The following HCN2 variants were observed in gnomAD, a reference collection of about 807,000 sequenced individuals.
The protein encoded by HCN2 is hyperpolarization activated cyclic nucleotide gated potassium and sodium channel 2, also known as potassium/sodium hyperpolarization-activated cyclic nucleotide-gated channel 2.
Under a neutral mutation model 52.3 loss-of-function variants are expected in HCN2, and 20 were observed. That is an observed-to-expected ratio of 0.38 (90% CI 0.27 to 0.56). The LOEUF (loss-of-function observed/expected upper bound fraction) is 0.56. HCN2 is among the 20% of genes least tolerant of loss of function. HCN2 has a pLI of 0.71. For synonymous variants in HCN2, 694 were observed against 537.0 expected (o/e 1.29, Z -4.04); for missense variants, 981 against 1,207.7 (o/e 0.81, Z 2.78).
chr19:611,932 G>A (rs2144529117), intron 5 of HCN2, among the ~76,000 whole-genome samples: 1 of 152,254 alleles, frequency 6.6e-6, no homozygotes, highest in South Asian at 2.1e-4. Flanking sequence ...GATCACCTGA[G>A]GTCAGGAGTT....
chr19:605,899 G>C (rs7252580), intron 3 of HCN2, among the ~76,000 whole-genome samples: 1 of 151,490 alleles, frequency 6.6e-6, no homozygotes, highest in Non-Finnish European at 1.5e-5. Context: ...TTACAGAGGG[G>C]GACCCAGGAC....
At chr19:611,532 G>A (rs759457429) in intron 5 of HCN2, among the ~76,000 whole-genome samples, 7 of 152,220 alleles carry the variant, frequency 4.6e-5, no homozygotes, top group Non-Finnish European at 8.8e-5. Flanking sequence ...CTCTGGGGGG[G>A]CGTGTACACC....
At chr19:598,391 C>T (rs548175415) in intron 1 of HCN2, among the ~76,000 whole-genome samples, 1 of 151,900 alleles carries the variant, frequency 6.6e-6, no homozygotes, top group Admixed American at 6.5e-5. Flanking sequence ...ACTGCAGCCT[C>T]GACTTCATGG....
chr19:616,688 G>A lies in HCN2; in HGVS notation c.*214G>A, dbSNP rs55760240. The A allele has an allele frequency of 0.17, 32,700 of 197,260 alleles. 2,886 individuals carry two copies. Among genetic ancestry groups the A allele is most frequent in the East Asian group, 0.23 (2,332 of 10,028 alleles). 12.2% of individuals were successfully genotyped at this position (197,260 alleles called of 1,614,324 possible). A position where few individuals can be genotyped will look rare whatever the true frequency, so the allele number is the denominator to read the frequency against. On this transcript the variant is annotated 3_prime_UTR_variant, in exon 8 of 8. Coordinates refer to ENST00000251287, the MANE Select transcript of HCN2 (RefSeq NM_001194.4). ...TCATCGCCCCGCGCCCACCCCCATC[G>A]CCCCTGCCCCCGGCGGCGGCCTCGC...
Position 589,908 on chromosome 19 carries a change from C to A in HCN2, c.-38C>A. ...CTCGGGCTCCGGCCGGCGGCGGCGG[C>A]GGCGGCTCCGCTCCGCACTGCCCGG... On this transcript the variant is annotated 5_prime_UTR_variant, in exon 1 of 8. Coordinates refer to ENST00000251287, the MANE Select transcript of HCN2 (RefSeq NM_001194.4). The A allele has an allele frequency of 2.3e-6, 2 of 852,914 alleles. No homozygotes were observed. The highest frequency in any genetic ancestry group is 2.8e-6 in the Non-Finnish European group (2 of 723,738). The allele number at this position is 852,914 out of a possible 1,614,324, so 52.8% of individuals were successfully genotyped here.
intron 5 of HCN2, among the ~76,000 whole-genome samples, chr19:612,690 C>T (rs569309876): frequency 2.6e-5 from 4 of 151,824 alleles, no homozygotes; most frequent in African/African-American, 9.7e-5. Context: ...GCTGGGATTA[C>T]AGGTGTGAGC....
chr19:610,817 A>G (rs766428174), intron 5 of HCN2, among the ~76,000 whole-genome samples: 3 of 152,146 alleles, frequency 2.0e-5, no homozygotes, highest in African/African-American at 4.8e-5. Context: ...TGCGGGAACA[A>G]ATACCCACAG....
intron 1 of HCN2, among the ~76,000 whole-genome samples, chr19:601,084 G>A (rs912006008): frequency 2.0e-5 from 3 of 152,146 alleles, no homozygotes; most frequent in Non-Finnish European, 4.4e-5. Flanking sequence ...CGAGGCCTAG[G>A]CAGAAGGATC....
In HCN2 at chr19:609,115, C is replaced by A. The variant is rs1054028456; in HGVS notation, c.1437+933C>A. Among the ~76,000 whole-genome samples, 3 of 152,204 alleles carry A rather than the reference C, an allele frequency of 2.0e-5. No individual in the cohort carries two copies. In the South Asian group the frequency reaches 6.2e-4, roughly 31 times the overall value. ...TGGGTCAGCTGGGCCCCGTGCCAGG[C>A]GCCCTGCTGTCCGGAAGCCACGGGC... On this transcript the variant is annotated intron_variant, in intron 4 of 7. Coordinates refer to ENST00000251287, the MANE Select transcript of HCN2 (RefSeq NM_001194.4).
chr19:616,997 A>G lies in HCN2; in HGVS notation c.*523A>G, dbSNP rs1157476355. 2 of 499,400 alleles carry G rather than the reference A, an allele frequency of 4.0e-6. No homozygotes were observed. The highest frequency in any genetic ancestry group is 7.3e-6 in the Non-Finnish European group (2 of 273,640). 30.9% of individuals were successfully genotyped at this position (499,400 alleles called of 1,614,324 possible). ...CCGCCTCCCTCCAGCACTGGCACCG[A>G]GAGGCAGGCCTGGCTGCGCAGGGCG... On this transcript the variant is annotated 3_prime_UTR_variant, in exon 8 of 8. Coordinates refer to ENST00000251287, the MANE Select transcript of HCN2 (RefSeq NM_001194.4).
rs1246828549 is a variant in HCN2, at chr19:616,302, GC to G, written c.2502del (p.Ala835ArgfsTer92). The G allele has an allele frequency of 9.1e-7, 1 of 1,104,288 alleles. No homozygotes were observed. Among genetic ancestry groups the G allele is most frequent in the Non-Finnish European group, 1.1e-6 (1 of 904,190 alleles). The allele number at this position is 1,104,288 out of a possible 1,614,324, so 68.4% of individuals were successfully genotyped here. On this transcript the variant is annotated frameshift_variant, in exon 8 of 8. Coordinates refer to ENST00000251287, the MANE Select transcript of HCN2 (RefSeq NM_001194.4). LOFTEE classifies it low-confidence loss of function (END_TRUNC). ...SQPSLPHGAP[G>X]PAASTRPASS... ...CCCTCGCTGCCTCACGGCGCCCCCG[GC>G]CCCGCGGCCTCCACACGCCCGGCCA...
chr19:612,965 C>A (rs964920157), intron 5 of HCN2, among the ~76,000 whole-genome samples: 1 of 152,120 alleles, frequency 6.6e-6, no homozygotes, highest in African/African-American at 2.4e-5. Context: ...CACGCGTGAG[C>A]CCCCGCACCC....
intron 7 of HCN2, among the ~76,000 whole-genome samples, 162 bp downstream of exon 7, chr19:614,178 C>T (rs547239621): frequency 1.4e-5 from 2 of 147,388 alleles, no homozygotes; most frequent in African/African-American, 5.0e-5. Flanking sequence ...AGGAGTGTGG[C>T]CATGGCAGCA....
intron 1 of HCN2, among the ~76,000 whole-genome samples, chr19:597,493 G>C (rs183426813): frequency 3.4e-4 from 52 of 151,586 alleles, no homozygotes; most frequent in African/African-American, 1.0e-3. Context: ...AGGTCTCCTT[G>C]GCGGTTTCTA....
rs1355162235 is a variant in HCN2, at chr19:610,784, ACCCTGGGCAAGTTT to A, written c.1584+383_1584+396del. 7.2e-5 allele frequency among the ~76,000 whole-genome samples: 11 copies of A among 152,064 alleles called. 1 individual carries two copies. Among genetic ancestry groups the A allele is most frequent in the Admixed American group, 7.2e-4 (11 of 15,268 alleles). ...CAGCTCTGTTCCGGTAGCCTGAGTG[ACCCTGGGCAAGTTT>A]CCCAGGGTTGCGGGAACAAATACCC... On this transcript the variant is annotated intron_variant, in intron 5 of 7. Coordinates refer to ENST00000251287, the MANE Select transcript of HCN2 (RefSeq NM_001194.4).
intron 5 of HCN2, among the ~76,000 whole-genome samples, chr19:612,503 C>T (rs1406308309): frequency 2.0e-5 from 3 of 151,862 alleles, no homozygotes; most frequent in South Asian, 2.1e-4. Context: ...GTAACCTCCT[C>T]CTCCCGGGTT....
In HCN2 at chr19:602,547, G is replaced by A. The variant is rs537909959; in HGVS notation, c.633-997G>A. ...AAGGCATCTGGGGCCCTCACCTCCC[G>A]GCGTGAGCTGAGCACGGTTCATTTC... is the stretch of plus-strand genomic sequence containing the variant. On this transcript the variant is annotated intron_variant, in intron 1 of 7. Coordinates refer to ENST00000251287, the MANE Select transcript of HCN2 (RefSeq NM_001194.4). Among the ~76,000 whole-genome samples, 51 of 152,270 alleles carry A rather than the reference G, an allele frequency of 3.3e-4. 1 individual carries two copies. In the East Asian group the frequency reaches 9.7e-3, roughly 29 times the overall value.
chr19:617,108 C>CCCAAAA lies in HCN2; in HGVS notation c.*634_*635insCCAAAA. 1.8e-6 allele frequency: 1 copy of CCCAAAA among 553,076 alleles called. No homozygotes were observed. Among genetic ancestry groups the CCCAAAA allele is most frequent in the Non-Finnish European group, 3.2e-6 (1 of 312,168 alleles). The allele number at this position is 553,076 out of a possible 1,614,324, so 34.3% of individuals were successfully genotyped here. On this transcript the variant is annotated 3_prime_UTR_variant, in exon 8 of 8. Transcript: ENST00000251287. ...GCCCCCACCGTGGCCCCCCACGCCC[C>CCCAAAA]ATTAACCCCCACACCCCCATTCCGC... is the stretch of plus-strand genomic sequence containing the variant.
At chr19:602,359 CT>C in intron 1 of HCN2, among the ~76,000 whole-genome samples, 1 of 53,078 alleles carries the variant, frequency 1.9e-5, no homozygotes, top group Non-Finnish European at 3.7e-5. Flanking sequence ...CCACTTCCTC[CT>C]CTCCTGCGTG....
Sources: allele counts gnomAD v4.1 joint callset (sites outside exome capture counted in the v4.1 genomes callset), GRCh38; gene constraint gnomAD v4.1.1; transcripts MANE v1.5; gene names NCBI Gene and HGNC (gene_info 2026-07-23, HGNC 2026-07-21).